The following CCDC180 variants were observed in gnomAD, a reference collection of about 807,000 sequenced individuals.
CCDC180 encodes the protein coiled-coil domain containing 180, also known as coiled-coil domain-containing protein 180.
A neutral mutation model predicts 209.2 loss-of-function variants in CCDC180; 154 were observed. That is an observed-to-expected ratio of 0.74 (90% CI 0.65 to 0.84). CCDC180 has a LOEUF of 0.84. CCDC180 is among the 40% of genes least tolerant of loss of function. The probability of loss-of-function intolerance (pLI) is 0.00; values close to 1 mark genes in which losing one functional copy is unlikely to be tolerated. For missense variants in CCDC180, 1,874 were observed against 1,997.3 expected (o/e 0.94, Z 1.18); for synonymous variants, 778 against 749.1 (o/e 1.04, Z -0.63).
intron 18 of CCDC180, among the ~76,000 whole-genome samples, chr9:97,341,179 C>T (rs1826066279): frequency 6.6e-6 from 1 of 152,150 alleles, no homozygotes; most frequent in Non-Finnish European, 1.5e-5. Context: ...TTTACCCTGC[C>T]CCTTTTGCTT....
At chr9:97,325,327 G>A in intron 14 of CCDC180, 135 bp downstream of exon 14, 1 of 841,872 alleles carries the variant, frequency 1.2e-6, no homozygotes, top group Non-Finnish European at 1.8e-6. Context: ...GTTGGTCATG[G>A]GATCAGATGG....
chr9:97,313,514 G>C, intron 5 of CCDC180, among the ~76,000 whole-genome samples, 169 bp downstream of exon 5: 1 of 152,158 alleles, frequency 6.6e-6, no homozygotes, highest in East Asian at 1.9e-4. Context: ...TGTTATGAGT[G>C]TTTGTGGGCA....
intron 16 of CCDC180, among the ~76,000 whole-genome samples, chr9:97,329,051 A>C (rs1019439509): frequency 6.6e-6 from 1 of 152,176 alleles, no homozygotes; most frequent in African/African-American, 2.4e-5. Context: ...CATGGTTGCC[A>C]CTGAACCTGG....
chr9:97,346,564 A>G (rs1213709174), intron 19 of CCDC180, among the ~76,000 whole-genome samples: 2 of 152,246 alleles, frequency 1.3e-5, no homozygotes, highest in Admixed American at 1.3e-4. Context: ...TATTCACAAC[A>G]GAGAAATGGG....
chr9:97,375,395 A>G, intron 35 of CCDC180, 59 bp from the exon 36 acceptor site: 1 of 1,604,792 alleles, frequency 6.2e-7, no homozygotes. Flanking sequence ...CAGGGTTGGT[A>G]GGTGGATTAT....
In CCDC180 at chr9:97,354,634, A is replaced by G. The variant is rs763802826; in HGVS notation, c.3068A>G (p.Lys1023Arg). 1.9e-6 allele frequency: 3 copies of G among 1,614,248 alleles called. No individual in the cohort carries two copies. In the Admixed American group the frequency reaches 5.0e-5, roughly 27 times the overall value. ...EINSLCSRLE[K>R]EAARIELVES... ...AATTCACTGTGTTCCCGACTGGAGAAGGAAGCTGCCCGGATAGAGTTGGTT... is the reference window on the plus strand; with the variant it reads ...AATTCACTGTGTTCCCGACTGGAGAGGGAAGCTGCCCGGATAGAGTTGGTT... The change falls in exon 23 of 37, where the codon AAG becomes AGG. Residue 1023 changes from lysine (K) to arginine (R), a missense_variant. Transcript: ENST00000529487.
chr9:97,317,318 C>A, intron 9 of CCDC180, 90 bp downstream of exon 9: 1 of 1,147,656 alleles, frequency 8.7e-7, no homozygotes, highest in Non-Finnish European at 1.2e-6. Context: ...TTTGCCATTA[C>A]TTAAAAATGC....
At chr9:97,307,889 C>G (rs756789028) in intron 1 of CCDC180, 83 bp downstream of exon 1, 268 of 1,596,268 alleles carry the variant, frequency 1.7e-4, no homozygotes, top group Non-Finnish European at 2.2e-4. Flanking sequence ...AGTCCTTCCC[C>G]GGGGAGTCCT....
chr9:97,328,978 C>G (rs1334130096), intron 16 of CCDC180, among the ~76,000 whole-genome samples: 1 of 152,184 alleles, frequency 6.6e-6, no homozygotes, highest in Non-Finnish European at 1.5e-5. Flanking sequence ...GTTTGAATCC[C>G]CCAGAGTTTG....
intron 11 of CCDC180, among the ~76,000 whole-genome samples, chr9:97,321,923 G>T (rs982545221): frequency 6.6e-6 from 1 of 152,212 alleles, no homozygotes; most frequent in African/African-American, 2.4e-5. Context: ...AAACAGGGAG[G>T]GGAGGCTGGA....
At chr9:97,362,856 G>T (rs1373511804) in intron 28 of CCDC180, among the ~76,000 whole-genome samples, 2 of 152,258 alleles carry the variant, frequency 1.3e-5, no homozygotes, top group African/African-American at 2.4e-5. Context: ...CTTTGTGTCA[G>T]CCTGGTTGAC....
At chr9:97,358,768 T>G (rs887169191) in intron 25 of CCDC180, among the ~76,000 whole-genome samples, 1 of 152,128 alleles carries the variant, frequency 6.6e-6, no homozygotes, top group Non-Finnish European at 1.5e-5. Context: ...TCCAGCCAGG[T>G]GCTCCCAGAA....
Position 97,366,788 on chromosome 9 carries a change from C to A in CCDC180, c.4189+88C>A. ...CGGCCTTGGCCTTGTGGCCTGGATC[C>A]TCCCCTCTGGGGGAGGCAGAAGAGC... On this transcript the variant is annotated intron_variant, in intron 31 of 36. Transcript: ENST00000529487. The surrounding 1 kb of genome is among the most constrained non-coding windows in gnomAD (Gnocchi z 4.3). 1 of 1,446,068 alleles carries A rather than the reference C, an allele frequency of 6.9e-7. No homozygotes were observed. Among genetic ancestry groups the A allele is most frequent in the Non-Finnish European group, 9.3e-7 (1 of 1,074,412 alleles). 89.6% of individuals were successfully genotyped at this position (1,446,068 alleles called of 1,614,324 possible). A position where few individuals can be genotyped will look rare whatever the true frequency, so the allele number is the denominator to read the frequency against.
intron 19 of CCDC180, among the ~76,000 whole-genome samples, chr9:97,346,049 G>C (rs770543927): frequency 2.0e-5 from 3 of 151,930 alleles, no homozygotes; most frequent in African/African-American, 7.3e-5. Flanking sequence ...TTTTGTTTAC[G>C]GTGTGAAATA....
chr9:97,310,807 G>T (rs140399807), intron 3 of CCDC180, among the ~76,000 whole-genome samples: 65 of 152,226 alleles, frequency 4.3e-4, no homozygotes, highest in African/African-American at 1.4e-3. Context: ...CCAACAGATA[G>T]AAAAATCCAC....
At chr9:97,342,852 C>A (rs1466822329) in intron 18 of CCDC180, among the ~76,000 whole-genome samples, 1 of 152,210 alleles carries the variant, frequency 6.6e-6, no homozygotes, top group Admixed American at 6.5e-5. Flanking sequence ...TAAAATAAAT[C>A]TTGTCCTCAA....
intron 18 of CCDC180, among the ~76,000 whole-genome samples, chr9:97,337,422 A>G (rs984500534): frequency 1.3e-5 from 2 of 152,050 alleles, no homozygotes; most frequent in African/African-American, 4.8e-5. Flanking sequence ...TGAGATAATC[A>G]TGTGGGTTTT....
At chr9:97,368,558 A>G (rs533715129) in intron 31 of CCDC180, among the ~76,000 whole-genome samples, 1 of 152,328 alleles carries the variant, frequency 6.6e-6, no homozygotes, top group East Asian at 1.9e-4. Context: ...AAAAAACTCC[A>G]AAGAGAAATC....
At chr9:97,336,481 G>A (rs1377245411) in intron 18 of CCDC180, among the ~76,000 whole-genome samples, 2 of 152,102 alleles carry the variant, frequency 1.3e-5, no homozygotes, top group African/African-American at 4.8e-5. Flanking sequence ...GTAGATGTGT[G>A]GTATTATTTC....
Sources: gnomAD v4.1 joint callset for allele counts (sites outside exome capture counted in the v4.1 genomes callset) on GRCh38, gnomAD v4.1.1 for gene constraint, Gnocchi (gnomAD v3.1) non-coding constraint, MANE v1.5 for transcripts, NCBI Gene and HGNC (gene_info 2026-07-23, HGNC 2026-07-21) for gene names.